The following RAD18 variants were observed in gnomAD, a reference collection of about 807,000 sequenced individuals.
RAD18 encodes the protein RAD18 E3 ubiquitin protein ligase, also known as E3 ubiquitin-protein ligase RAD18.
A neutral mutation model predicts 60.4 loss-of-function variants in RAD18; 47 were observed. The observed-to-expected ratio is 0.78, with a 90% CI of 0.62 to 0.99. The LOEUF (loss-of-function observed/expected upper bound fraction) is 0.99. RAD18 is among the 50% of genes least tolerant of loss of function. The pLI is 0.00. For missense variants in RAD18, 640 were observed against 593.3 expected, an observed-to-expected ratio of 1.08 and a Z score of -0.82; for synonymous variants, 225 against 195.5, an observed-to-expected ratio of 1.15 and a Z score of -1.26.
chr3:8,898,381 C>CATGTGTGT (rs141955911), intron 11 of RAD18, among the ~76,000 whole-genome samples: 2 of 148,338 alleles, frequency 1.3e-5, no homozygotes, highest in African/African-American at 5.0e-5. Flanking sequence ...TGTGTGCATG[C>CATGTGTGT]GTGTGTGTGT....
At chr3:8,908,877 A>G (rs1335554609) in intron 9 of RAD18, among the ~76,000 whole-genome samples, 1 of 152,206 alleles carries the variant, frequency 6.6e-6, no homozygotes, top group African/African-American at 2.4e-5. Flanking sequence ...CCCAGCTCCG[A>G]GCACAGTGTC....
chr3:8,928,672 A>C (rs1940493219), intron 7 of RAD18, among the ~76,000 whole-genome samples: 2 of 152,202 alleles, frequency 1.3e-5, no homozygotes, highest in African/African-American at 4.8e-5. Context: ...ATATAGTTGG[A>C]TATTTCAAAA....
At position 8,877,526 on chromosome 3, in the gene RAD18, G is replaced by A. The variant is rs979014254; in HGVS notation, c.*3831C>T. ...AAGACAGGGATAAGGAAAGAACATG[G>A]TGATTAATGCTGTCCCCCTGGACTG... On this transcript the variant is annotated 3_prime_UTR_variant, in exon 13 of 13. Transcript: ENST00000264926. The A allele has an allele frequency of 2.6e-5, 4 of 152,204 alleles. No homozygotes were observed. Among genetic ancestry groups the A allele is most frequent in the Admixed American group, 2.0e-4 (3 of 15,280 alleles). 9.4% of individuals were successfully genotyped at this position (152,204 alleles called of 1,614,324 possible). A position where few individuals can be genotyped will look rare whatever the true frequency, so the allele number is the denominator to read the frequency against.
chr3:8,949,539 G>A (rs953370700), intron 2 of RAD18, among the ~76,000 whole-genome samples: 3 of 152,214 alleles, frequency 2.0e-5, no homozygotes, highest in Non-Finnish European at 4.4e-5. Context: ...GATTCAGCAT[G>A]TAAGGGGCTT....
intron 12 of RAD18, 151 bp from the exon 13 acceptor site, chr3:8,881,610 A>G: frequency 1.6e-6 from 1 of 621,660 alleles, no homozygotes; most frequent in Non-Finnish European, 2.7e-6. Context: ...TATTATTAGT[A>G]TTTCCACTTT....
chr3:8,914,605 CAATACAAAGTTTACGTTTTCTGA>C (rs1940164392), intron 7 of RAD18, among the ~76,000 whole-genome samples: 2 of 152,250 alleles, frequency 1.3e-5, no homozygotes, highest in South Asian at 4.1e-4. Context: ...GCAACTGTCT[CAATACAAAGTTTACGTTTTCTGA>C]GCACTGAGAG....
chr3:8,922,110 C>G (rs1184676445), intron 7 of RAD18, among the ~76,000 whole-genome samples: 1 of 152,156 alleles, frequency 6.6e-6, no homozygotes, highest in Non-Finnish European at 1.5e-5. Flanking sequence ...GGGAGCGGTG[C>G]ACCGGGAGTG....
Position 8,881,708 on chromosome 3 carries a change from T to C in RAD18, c.1386-249A>G, listed in dbSNP as rs530186025. 4.6e-5 allele frequency among the ~76,000 whole-genome samples: 7 copies of C among 152,218 alleles called. No homozygotes were observed. In the East Asian group the frequency reaches 9.7e-4, roughly 21 times the overall value. ...TTAAAATTTAGGAGTTTTATGCTTC[T>C]GTTTAGCATGTAGAGGGCTGGGAAA... On this transcript the variant is annotated intron_variant, in intron 12 of 12. Coordinates refer to ENST00000264926, the MANE Select transcript of RAD18 (RefSeq NM_020165.4).
At chr3:8,935,095 G>A (rs375649) in intron 7 of RAD18, among the ~76,000 whole-genome samples, 103,638 of 152,064 alleles carry the variant, frequency 0.68, 35,945 homozygotes, top group Middle Eastern at 0.77. Flanking sequence ...CTTTTGGGAC[G>A]CTGGTAGTGA....
intron 12 of RAD18, among the ~76,000 whole-genome samples, chr3:8,885,940 T>G (rs1163842828): frequency 2.0e-5 from 3 of 152,214 alleles, no homozygotes; most frequent in Non-Finnish European, 4.4e-5. Context: ...CAGTGGTCTC[T>G]TATCAGGAGA....
chr3:8,917,535 T>A (rs60233466), intron 7 of RAD18, among the ~76,000 whole-genome samples: 5,004 of 152,280 alleles, frequency 0.033, 256 homozygotes, highest in East Asian at 0.21. Flanking sequence ...GGGAGTATGC[T>A]GTTAAAAGTT....
intron 7 of RAD18, among the ~76,000 whole-genome samples, chr3:8,929,387 T>C (rs1310360864): frequency 2.6e-5 from 4 of 151,824 alleles, no homozygotes; most frequent in African/African-American, 4.8e-5. Flanking sequence ...GTATAGAAAA[T>C]GAAAGACAGT....
rs1355412182 is a variant in RAD18 at position 8,941,571 on chromosome 3, G to A, written c.500C>T (p.Ala167Val). The change falls in exon 5 of 13, where the codon GCA becomes GTA. Residue 167 changes from alanine (A) to valine (V), a missense_variant. Physicochemically the swap from Ala to Val is moderately conservative, Grantham distance 64. Coordinates refer to ENST00000264926, the MANE Select transcript of RAD18 (RefSeq NM_020165.4). ...TACAGAACGTGTCTCTTTGGTCTTT[G>A]CAGCAGGGCTCGCCTCTTTTTGAGG... ...FSPQKEASPA[A>V]KTKETRSVEE... 1.2e-5 allele frequency: 19 copies of A among 1,614,118 alleles called. No homozygotes were observed. The highest frequency in any genetic ancestry group is 1.6e-5 in the Non-Finnish European group (19 of 1,179,996).
At chr3:8,929,704 C>G (rs574361770) in intron 7 of RAD18, among the ~76,000 whole-genome samples, 1 of 151,258 alleles carries the variant, frequency 6.6e-6, no homozygotes, top group African/African-American at 2.4e-5. Flanking sequence ...TGCAATGGCA[C>G]GATCTCAGCT....
intron 7 of RAD18, among the ~76,000 whole-genome samples, chr3:8,926,588 C>A (rs1940441072): frequency 6.6e-6 from 1 of 152,178 alleles, no homozygotes; most frequent in Admixed American, 6.5e-5. Flanking sequence ...CAAAAAGGAA[C>A]CCGCATTGCC....
chr3:8,900,714 G>T (rs1490576246), intron 10 of RAD18, among the ~76,000 whole-genome samples: 1 of 152,128 alleles, frequency 6.6e-6, no homozygotes, highest in African/African-American at 2.4e-5. Context: ...ATGTTCTAAA[G>T]AGCAACAATT....
intron 5 of RAD18, among the ~76,000 whole-genome samples, chr3:8,940,034 C>T (rs376733141): frequency 2.7e-4 from 41 of 152,162 alleles, no homozygotes; most frequent in African/African-American, 7.2e-4. Context: ...GCAATAGTAA[C>T]GACTTAAGTA....
rs150199858 is a variant in RAD18 at position 8,911,161 on chromosome 3, T to G, written c.1027+1151A>C. 1.0e-3 allele frequency among the ~76,000 whole-genome samples: 159 copies of G among 152,338 alleles called. No homozygotes were observed. The Middle Eastern group carries it at 0.021, about 20-fold the overall frequency. Reference sequence around the variant, plus strand: ...AAGCACTTGACTTTTGAGGTTTATTTTAAGGCTAAATAAATTAATACCACC... The same window carrying G: ...AAGCACTTGACTTTTGAGGTTTATTGTAAGGCTAAATAAATTAATACCACC... On this transcript the variant is annotated intron_variant, in intron 9 of 12. Transcript: ENST00000264926.
intron 12 of RAD18, among the ~76,000 whole-genome samples, chr3:8,884,829 C>A (rs1315464738): frequency 6.6e-6 from 1 of 152,190 alleles, no homozygotes; most frequent in African/African-American, 2.4e-5. Context: ...AATAGAATAA[C>A]CCAGCCCACA....
Sources: allele counts gnomAD v4.1 joint callset (sites outside exome capture counted in the v4.1 genomes callset), GRCh38; gene constraint gnomAD v4.1.1; transcripts MANE v1.5; gene names NCBI Gene and HGNC (gene_info 2026-07-23, HGNC 2026-07-21).